Variants in USP6NL observed in about 807,000 individuals in gnomAD.
USP6NL encodes the protein USP6 N-terminal like.
USP6NL carries 26 observed loss-of-function variants against 61.9 expected under a neutral mutation model. The ratio of observed to expected loss-of-function variants is 0.42; its 90% CI spans 0.31 to 0.58. The LOEUF (loss-of-function observed/expected upper bound fraction) is 0.58, where lower values mean the gene tolerates loss of function less well. Ranked by LOEUF, USP6NL falls within the 20% of genes least tolerant of loss-of-function variation. The pLI, the probability that USP6NL is intolerant of heterozygous loss-of-function variation, is 0.16. For missense variants in USP6NL, 1,114 were observed against 1,034.3 expected, an observed-to-expected ratio of 1.08 and a Z score of -1.06; for synonymous variants, 432 against 390.1, an observed-to-expected ratio of 1.11 and a Z score of -1.27.
rs887001040 is a variant in USP6NL, at chr10:11,478,948, A to G, written c.1078+2822T>C. Among the ~76,000 whole-genome samples, 1 of 138,424 alleles carries G rather than the reference A, an allele frequency of 7.2e-6. No homozygotes were observed. Among genetic ancestry groups the G allele is most frequent in the Non-Finnish European group, 1.7e-5 (1 of 60,234 alleles). The allele number at this position is 138,424 out of a possible 152,430, so 90.8% of individuals were successfully genotyped here. A position where few individuals can be genotyped will look rare whatever the true frequency, so the allele number is the denominator to read the frequency against. ...CTGGAAAAGCAGAGAGCAATGGAAC[A>G]GAATAGAGTGCCAAAATGTAATGTA... is the stretch of plus-strand genomic sequence containing the variant. On this transcript the variant is annotated intron_variant, in intron 14 of 14. Transcript: ENST00000609104. The surrounding 1 kb of genome is among the most constrained non-coding windows in gnomAD (Gnocchi z 6.8).
Position 11,518,614 on chromosome 10 carries a change from C to T in USP6NL, c.156-40G>A, listed in dbSNP as rs757009959. On this transcript the variant is annotated intron_variant, in intron 4 of 14. Coordinates refer to ENST00000609104, the MANE Select transcript of USP6NL (RefSeq NM_014688.5). The surrounding 1 kb of genome is among the most constrained non-coding windows in gnomAD (Gnocchi z 5.3). ...CAGTATTATATGAAATTGTTGAAAT[C>T]AAAACAAACTTTTAAAAGCTTATAT... 6.5e-7 allele frequency: 1 copy of T among 1,536,636 alleles called. No individual in the cohort carries two copies. Among genetic ancestry groups the T allele is most frequent in the South Asian group, 1.2e-5 (1 of 85,852 alleles).
rs1344041680 is a variant in USP6NL at position 11,478,741 on chromosome 10, CA to C, written c.1078+3028del. Among the ~76,000 whole-genome samples the C allele has an allele frequency of 6.6e-6, 1 of 152,008 alleles. No homozygotes were observed. The highest frequency in any genetic ancestry group is 1.5e-5 in the Non-Finnish European group (1 of 68,008). On this transcript the variant is annotated intron_variant, in intron 14 of 14. Coordinates refer to ENST00000609104, the MANE Select transcript of USP6NL (RefSeq NM_014688.5). The surrounding 1 kb of genome is among the most constrained non-coding windows in gnomAD (Gnocchi z 6.8). ...GCAACATGGCAGAACCCTGCCTCTA[CA>C]AAAAATACTAAAATTACCCAGGAGT...
intron 2 of USP6NL, among the ~76,000 whole-genome samples, chr10:11,580,367 T>C (rs1249475796): frequency 6.6e-6 from 1 of 152,220 alleles, no homozygotes; most frequent in Admixed American, 6.5e-5. Flanking sequence ...TGAACAGTAA[T>C]ATTATGACAG....
At chr10:11,541,230 CATATATAT>C (rs71378797) in intron 2 of USP6NL, among the ~76,000 whole-genome samples, 2,003 of 43,164 alleles carry the variant, frequency 0.046, 32 homozygotes, top group Admixed American at 0.1. Flanking sequence ...TCAATAGTGC[CATATATAT>C]ATATATATAT....
At chr10:11,603,444 T>C (rs1041604970) in intron 1 of USP6NL, among the ~76,000 whole-genome samples, 7 of 152,198 alleles carry the variant, frequency 4.6e-5, no homozygotes, top group African/African-American at 9.7e-5. Context: ...CTGTGCTCCA[T>C]AGATAAAAGT....
Position 11,562,935 on chromosome 10 carries a change from T to G in USP6NL, c.4+34696A>C, listed in dbSNP as rs1836995973. The G allele has an allele frequency of 3.8e-6, 1 of 260,434 alleles. No homozygotes were observed. The allele number at this position is 260,434 out of a possible 1,614,324, so 16.1% of individuals were successfully genotyped here. A position where few individuals can be genotyped will look rare whatever the true frequency, so the allele number is the denominator to read the frequency against. On this transcript the variant is annotated intron_variant, in intron 2 of 14. Transcript: ENST00000609104. The surrounding 1 kb of genome is among the most constrained non-coding windows in gnomAD (Gnocchi z 4.8). ...GTATCTATCCCACAGAAATAAAAAT[T>G]TATATTTATGTCGACACAAAAATCT...
rs931847615 is a variant in USP6NL at position 11,520,818 on chromosome 10, C to T, written c.156-2244G>A. On this transcript the variant is annotated intron_variant, in intron 4 of 14. Transcript: ENST00000609104. The surrounding 1 kb of genome is among the most constrained non-coding windows in gnomAD (Gnocchi z 5.2). Reference sequence around the variant, plus strand: ...AGGGTTAAGCAGTTGTGACAAAGACCGTATGACCTACAAAGCCAAAGATCC... The same window carrying T: ...AGGGTTAAGCAGTTGTGACAAAGACTGTATGACCTACAAAGCCAAAGATCC... 3.3e-5 allele frequency among the ~76,000 whole-genome samples: 5 copies of T among 152,194 alleles called. No individual in the cohort carries two copies. The highest frequency in any genetic ancestry group is 1.3e-4 in the Admixed American group (2 of 15,276).
intron 1 of USP6NL, among the ~76,000 whole-genome samples, chr10:11,605,932 G>C (rs1181361440): frequency 6.6e-6 from 1 of 152,176 alleles, no homozygotes; most frequent in Non-Finnish European, 1.5e-5. Context: ...TTAAGCAAGA[G>C]AATAGGGAAA....
chr10:11,571,005 G>C (rs1837339271), intron 2 of USP6NL, among the ~76,000 whole-genome samples: 1 of 151,950 alleles, frequency 6.6e-6, no homozygotes. Flanking sequence ...TATTAGACAA[G>C]ACTGTCTTAA....
intron 2 of USP6NL, among the ~76,000 whole-genome samples, chr10:11,572,463 A>G (rs1837397335): frequency 6.6e-6 from 1 of 152,030 alleles, no homozygotes; most frequent in Non-Finnish European, 1.5e-5. Flanking sequence ...TCAATCACTT[A>G]AATACCACAT....
intron 2 of USP6NL, among the ~76,000 whole-genome samples, chr10:11,594,816 A>G (rs1838274783): frequency 6.6e-6 from 1 of 152,270 alleles, no homozygotes; most frequent in African/African-American, 2.4e-5. Context: ...TTTAACACCT[A>G]TTTAGTGCCA....
intron 6 of USP6NL, among the ~76,000 whole-genome samples, chr10:11,508,612 C>T (rs1172557661): frequency 6.6e-6 from 1 of 152,136 alleles, no homozygotes; most frequent in Non-Finnish European, 1.5e-5. Context: ...TTAAGAATGC[C>T]CTCGATGAAG....
At chr10:11,566,765 A>C (rs941851522) in intron 2 of USP6NL, among the ~76,000 whole-genome samples, 3 of 152,254 alleles carry the variant, frequency 2.0e-5, no homozygotes, top group Non-Finnish European at 4.4e-5. Flanking sequence ...AGTTCAGACC[A>C]TATTCTTAAT....
intron 2 of USP6NL, among the ~76,000 whole-genome samples, chr10:11,583,184 ATTTTTTT>A (rs11432382): frequency 1.7e-4 from 23 of 133,608 alleles, no homozygotes; most frequent in Middle Eastern, 3.8e-3. Flanking sequence ...TATGTTTTCA[ATTTTTTT>A]TTTTTTTTTT....
At chr10:11,586,412 G>GAAAAAAAAAA (rs1837967136) in intron 2 of USP6NL, among the ~76,000 whole-genome samples, 1 of 145,714 alleles carries the variant, frequency 6.9e-6, no homozygotes. Flanking sequence ...AAAAAAAAAG[G>GAAAAAAAAAA]AAATGGTTAA....
chr10:11,565,419 A>G (rs973932213), intron 2 of USP6NL: 3 of 152,244 alleles, frequency 2.0e-5, no homozygotes, highest in African/African-American at 7.2e-5. Context: ...AGGCGGGTGG[A>G]TCACGAGGTC....
intron 6 of USP6NL, among the ~76,000 whole-genome samples, chr10:11,506,863 G>A (rs2133331724): frequency 6.6e-6 from 1 of 151,820 alleles, no homozygotes; most frequent in Middle Eastern, 3.4e-3. Flanking sequence ...AATCTGTGGA[G>A]AGAAAACATA....
Position 11,511,828 on chromosome 10 carries a change from T to TAC in USP6NL, c.196-2155_196-2154dup, listed in dbSNP as rs55781528. ...AAATAAAATAAAATAATATATATTA[T>TAC]ACACACACACACACACACACACCCC... is the stretch of plus-strand genomic sequence containing the variant. On this transcript the variant is annotated intron_variant, in intron 5 of 14. Transcript: ENST00000609104. The surrounding 1 kb of genome is among the most constrained non-coding windows in gnomAD (Gnocchi z 4.9). 0.012 allele frequency among the ~76,000 whole-genome samples: 1,742 copies of TAC among 149,882 alleles called. 8 individuals carry two copies. Among genetic ancestry groups the TAC allele is most frequent in the South Asian group, 0.029 (138 of 4,736 alleles).
In USP6NL at chr10:11,485,946, C is replaced by G; in HGVS notation, c.665-35G>C. On this transcript the variant is annotated intron_variant, in intron 10 of 14. Coordinates refer to ENST00000609104, the MANE Select transcript of USP6NL (RefSeq NM_014688.5). The surrounding 1 kb of genome is among the most constrained non-coding windows in gnomAD (Gnocchi z 4.8). ...AAACATAAAAACAACATTTCATAAA[C>G]AATACCAACAAAACCCTCCAATCTT... The G allele has an allele frequency of 7.3e-7, 1 of 1,374,960 alleles. No homozygotes were observed. Among genetic ancestry groups the G allele is most frequent in the Non-Finnish European group, 9.9e-7 (1 of 1,008,360 alleles). The allele number at this position is 1,374,960 out of a possible 1,614,324, so 85.2% of individuals were successfully genotyped here.
Sources: allele counts gnomAD v4.1 joint callset (sites outside exome capture counted in the v4.1 genomes callset), GRCh38; gene constraint gnomAD v4.1.1; non-coding constraint Gnocchi (gnomAD v3.1); transcripts MANE v1.5; gene names NCBI Gene and HGNC (gene_info 2026-07-23, HGNC 2026-07-21).